The following TTC38 variants were observed in gnomAD, a reference collection of about 807,000 sequenced individuals.
TTC38 encodes tetratricopeptide repeat domain 38.
Under a neutral mutation model 64.2 loss-of-function variants are expected in TTC38, and 64 were observed. The ratio of observed to expected loss-of-function variants is 1.00; its 90% confidence interval spans 0.81 to 1.23. The LOEUF (loss-of-function observed/expected upper bound fraction) is 1.23. Ranked by LOEUF, TTC38 falls within the 50% of genes most tolerant of loss-of-function variation. TTC38 has a pLI of 0.00. For missense variants in TTC38, 573 were observed against 615.5 expected, an observed-to-expected ratio of 0.93 and a Z score of 0.73; for synonymous variants, 254 against 249.3, an observed-to-expected ratio of 1.02 and a Z score of -0.18.
rs997852194 is a variant in TTC38 at position 46,273,023 on chromosome 22, G to A, written c.193+607G>A. On this transcript the variant is annotated intron_variant, in intron 3 of 13. Coordinates refer to ENST00000381031, the MANE Select transcript of TTC38 (RefSeq NM_017931.4). This position sits in a 1 kb window ranked among gnomAD's most constrained non-coding sequence, Gnocchi z 5.1. ...GAGGGGACAGGGCTCTTGTCAGTGC[G>A]GCAGGGACACCCTTCTCACCCTGCT... Among the ~76,000 whole-genome samples the A allele has an allele frequency of 2.6e-5, 4 of 152,190 alleles. No individual in the cohort carries two copies. The highest frequency in any genetic ancestry group is 1.3e-4 in the Admixed American group (2 of 15,284).
At chr22:46,284,106 G>A (rs1353878240) in intron 8 of TTC38, 74 bp downstream of exon 8, 1 of 1,320,668 alleles carries the variant, frequency 7.6e-7, no homozygotes, top group Non-Finnish European at 1.1e-6. Context: ...TCTAGCTTTT[G>A]CTATGTATTC....
At chr22:46,287,957 C>T (rs939242796) in intron 10 of TTC38, among the ~76,000 whole-genome samples, 1 of 152,110 alleles carries the variant, frequency 6.6e-6, no homozygotes, top group African/African-American at 2.4e-5. Context: ...GGAGGGCAGG[C>T]TTGATGTGGT....
chr22:46,292,904 C>T lies in TTC38; in HGVS notation c.*20C>T. The T allele has an allele frequency of 6.3e-7, 1 of 1,589,046 alleles. No individual in the cohort carries two copies. On this transcript the variant is annotated 3_prime_UTR_variant, in exon 14 of 14. Coordinates refer to ENST00000381031, the MANE Select transcript of TTC38 (RefSeq NM_017931.4). The surrounding 1 kb of genome is among the most constrained non-coding windows in gnomAD (Gnocchi z 6.5). The stretch of plus-strand genomic sequence containing the variant: ...CAGTGAGCCAGCCTGGCCGCCTCCA[C>T]CCTGCAGAACCTCAGTGGTGGCGTC...
chr22:46,281,606 C>T lies in TTC38; in HGVS notation c.623C>T (p.Ser208Phe), dbSNP rs750273279. The T allele has an allele frequency of 3.1e-6, 5 of 1,613,960 alleles. No individual in the cohort carries two copies. In the African/African-American group the frequency reaches 6.7e-5, roughly 22 times the overall value. ...TCCCCGCACCCTGCGTAGGCTTTAT[C>T]TATTAACCCGACAGACGCATGGTCG... ...QAEKLAKEALSINPTDAWSVH... is the reference protein window; with the variant it reads ...QAEKLAKEALFINPTDAWSVH... Residue 208 changes from serine to phenylalanine, a missense_variant, in exon 7 of 14, where the codon TCT becomes TTT. Transcript: ENST00000381031. This position sits in a 1 kb window ranked among gnomAD's most constrained non-coding sequence, Gnocchi z 5.2.
Position 46,272,258 on chromosome 22 carries a change from A to G in TTC38, c.112-77A>G. On this transcript the variant is annotated intron_variant, in intron 2 of 13. Transcript: ENST00000381031. The surrounding 1 kb of genome is among the most constrained non-coding windows in gnomAD (Gnocchi z 6.4). ...TGCCCGCCTCGGCCTCCCAAAGTGTAAACCTGGATTTAGAGCCACCTTTGT... is the reference window on the plus strand; with the variant it reads ...TGCCCGCCTCGGCCTCCCAAAGTGTGAACCTGGATTTAGAGCCACCTTTGT... The G allele has an allele frequency of 1.6e-6, 2 of 1,285,248 alleles. No individual in the cohort carries two copies. The highest frequency in any genetic ancestry group is 2.4e-5 in the South Asian group (2 of 82,294). 79.6% of individuals were successfully genotyped at this position (1,285,248 alleles called of 1,614,324 possible).
At chr22:46,287,022 C>A in intron 9 of TTC38, 51 bp from the exon 10 acceptor site, 1 of 1,465,552 alleles carries the variant, frequency 6.8e-7, no homozygotes, top group Non-Finnish European at 9.3e-7. Context: ...TGCCTGCAGC[C>A]CCATCATCTG....
At chr22:46,283,487 C>CGGTGATGAAGA (rs1340425758) in intron 7 of TTC38, among the ~76,000 whole-genome samples, 1 of 152,138 alleles carries the variant, frequency 6.6e-6, no homozygotes, top group African/African-American at 2.4e-5. Flanking sequence ...CTTCACCGCC[C>CGGTGATGAAGA]TTCGGAATGG....
At chr22:46,278,773 C>G in intron 6 of TTC38, 112 bp downstream of exon 6, 1 of 868,240 alleles carries the variant, frequency 1.2e-6, no homozygotes, top group South Asian at 1.3e-5. Flanking sequence ...CATCCCTGGT[C>G]TCACTTCCTC....
Position 46,287,164 on chromosome 22 carries a change from C to A in TTC38, c.916+10C>A. On this transcript the variant is annotated intron_variant, in intron 10 of 13. Coordinates refer to ENST00000381031, the MANE Select transcript of TTC38 (RefSeq NM_017931.4). Reference sequence around the variant, plus strand: ...CGCCTGCAGATGGAAGGTAGCCATCCCTGCAGCCCCACTGGCTTCTGCCTC... The same window carrying A: ...CGCCTGCAGATGGAAGGTAGCCATCACTGCAGCCCCACTGGCTTCTGCCTC... 2 of 1,594,876 alleles carry A rather than the reference C, an allele frequency of 1.3e-6. No individual in the cohort carries two copies. The highest frequency in any genetic ancestry group is 1.7e-6 in the Non-Finnish European group (2 of 1,168,868).
At chr22:46,279,524 C>G (rs969904553) in intron 6 of TTC38, among the ~76,000 whole-genome samples, 2 of 152,256 alleles carry the variant, frequency 1.3e-5, no homozygotes, top group South Asian at 4.1e-4. Flanking sequence ...AATGGCTGTC[C>G]TTTCAGCTGC....
intron 13 of TTC38, among the ~76,000 whole-genome samples, chr22:46,290,698 G>C (rs2077609472): frequency 6.7e-6 from 1 of 149,126 alleles, no homozygotes; most frequent in Non-Finnish European, 1.5e-5. Context: ...TGGCAGGCGA[G>C]TGTCAGGAGG....
intron 2 of TTC38, among the ~76,000 whole-genome samples, chr22:46,269,569 A>G (rs1285564958): frequency 6.6e-6 from 1 of 152,182 alleles, no homozygotes; most frequent in African/African-American, 2.4e-5. Flanking sequence ...GCCCCTGCAT[A>G]CTGACTTCAT....
At chr22:46,283,806 C>G (rs555373281) in intron 7 of TTC38, among the ~76,000 whole-genome samples, 167 bp from the exon 8 acceptor site, 3 of 128,996 alleles carry the variant, frequency 2.3e-5, no homozygotes, top group Non-Finnish European at 4.6e-5. Context: ...GAGCCAAGAT[C>G]GTGTCACTAC....
Position 46,291,972 on chromosome 22 carries a change from A to G in TTC38, c.1317-819A>G, listed in dbSNP as rs906202675. 6.7e-6 allele frequency among the ~76,000 whole-genome samples: 1 copy of G among 149,770 alleles called. No individual in the cohort carries two copies. The highest frequency in any genetic ancestry group is 1.5e-5 in the Non-Finnish European group (1 of 67,814). On this transcript the variant is annotated intron_variant, in intron 13 of 13. Coordinates refer to ENST00000381031, the MANE Select transcript of TTC38 (RefSeq NM_017931.4). The surrounding 1 kb of genome is among the most constrained non-coding windows in gnomAD (Gnocchi z 4.6). ...TTCTATCTCAAAAAATTAAAAAATA[A>G]AAGTGCCACAGTCTGGGCGGCTTGC...
chr22:46,278,665 A>C lies in TTC38; in HGVS notation c.615+4A>C, dbSNP rs768339267. On this transcript the variant is annotated splice_donor_region_variant and intron_variant, in intron 6 of 13. Transcript: ENST00000381031. ...GGCAGAAAAACTCGCCAAAGAGGTAAGTGGGTCCTTCCTAAGGTGCCTGAC... is the reference window on the plus strand; with the variant it reads ...GGCAGAAAAACTCGCCAAAGAGGTACGTGGGTCCTTCCTAAGGTGCCTGAC... 1 of 1,613,804 alleles carries C rather than the reference A, an allele frequency of 6.2e-7. No individual in the cohort carries two copies. Among genetic ancestry groups the C allele is most frequent in the Non-Finnish European group, 8.5e-7 (1 of 1,179,706 alleles).
chr22:46,281,275 G>A lies in TTC38; in HGVS notation c.616-324G>A, dbSNP rs1449619099. 6.6e-6 allele frequency among the ~76,000 whole-genome samples: 1 copy of A among 152,260 alleles called. No individual in the cohort carries two copies. Among genetic ancestry groups the A allele is most frequent in the Non-Finnish European group, 1.5e-5 (1 of 68,052 alleles). ...GCGGGTATGTTTTGCAAGCACCTCAGCTGTATGCAGAATGCTGTGGGCTTG... is the reference window on the plus strand; with the variant it reads ...GCGGGTATGTTTTGCAAGCACCTCAACTGTATGCAGAATGCTGTGGGCTTG... On this transcript the variant is annotated intron_variant, in intron 6 of 13. Coordinates refer to ENST00000381031, the MANE Select transcript of TTC38 (RefSeq NM_017931.4). This position sits in a 1 kb window ranked among gnomAD's most constrained non-coding sequence, Gnocchi z 5.2.
In TTC38 at chr22:46,292,218, C is replaced by A. The variant is rs748810851; in HGVS notation, c.1317-573C>A. 6.3e-5 allele frequency: 28 copies of A among 447,204 alleles called. No homozygotes were observed. In the Admixed American group the frequency reaches 6.3e-4, roughly 10 times the overall value. 27.7% of individuals were successfully genotyped at this position (447,204 alleles called of 1,614,324 possible). A position where few individuals can be genotyped will look rare whatever the true frequency, so the allele number is the denominator to read the frequency against. ...ATATTTTTAGAGGCAAGGTCTCACTCGGTCATCCAGGTTGGAATGCAGTGG... is the reference window on the plus strand; with the variant it reads ...ATATTTTTAGAGGCAAGGTCTCACTAGGTCATCCAGGTTGGAATGCAGTGG... On this transcript the variant is annotated intron_variant, in intron 13 of 13. Coordinates refer to ENST00000381031, the MANE Select transcript of TTC38 (RefSeq NM_017931.4). This position sits in a 1 kb window ranked among gnomAD's most constrained non-coding sequence, Gnocchi z 6.5.
chr22:46,279,809 G>A (rs931368024), intron 6 of TTC38, among the ~76,000 whole-genome samples: 5 of 152,194 alleles, frequency 3.3e-5, no homozygotes, highest in Admixed American at 1.3e-4. Flanking sequence ...CCAGGGGTCA[G>A]CTGTAGGAAA....
chr22:46,271,693 T>C lies in TTC38; in HGVS notation c.112-642T>C, dbSNP rs964007635. Among the ~76,000 whole-genome samples, 2 of 152,204 alleles carry C rather than the reference T, an allele frequency of 1.3e-5. No homozygotes were observed. The highest frequency in any genetic ancestry group is 1.9e-4 in the East Asian group (1 of 5,194). ...GCCTGACTAATTTTTGTATTATTTG[T>C]AGAGACAGAGTTTTGCCATGTTGGC... On this transcript the variant is annotated intron_variant, in intron 2 of 13. Transcript: ENST00000381031. This position sits in a 1 kb window ranked among gnomAD's most constrained non-coding sequence, Gnocchi z 5.5.
Sources: allele counts gnomAD v4.1 joint callset (sites outside exome capture counted in the v4.1 genomes callset), GRCh38; gene constraint gnomAD v4.1.1; non-coding constraint Gnocchi (gnomAD v3.1); transcripts MANE v1.5; gene names NCBI Gene and HGNC (gene_info 2026-07-23, HGNC 2026-07-21).